METRNL: variants seen among roughly 807,000 people sequenced by gnomAD.
METRNL encodes the protein meteorin-like protein.
METRNL carries 9 observed loss-of-function variants against 17.4 expected under a neutral mutation model. The ratio of observed to expected loss-of-function variants is 0.52; its 90% CI spans 0.31 to 0.90. METRNL has a LOEUF of 0.90. Ranked by LOEUF, METRNL falls within the 40% of genes least tolerant of loss-of-function variation. The pLI is 0.05. For missense variants in METRNL, 408 were observed against 430.7 expected (o/e 0.95, Z 0.47); for synonymous variants, 215 against 199.3 (o/e 1.08, Z -0.66).
At chr17:83,081,740 T>C (rs776866146) in intron 1 of METRNL, among the ~76,000 whole-genome samples, 2 of 152,160 alleles carry the variant, frequency 1.3e-5, no homozygotes, top group Non-Finnish European at 2.9e-5. Flanking sequence ...CTGTGGGGGC[T>C]GCTGGAGCTG....
At chr17:83,089,759 G>GGCGTCCACCC (rs1555730278) in intron 2 of METRNL, among the ~76,000 whole-genome samples, 1 of 152,128 alleles carries the variant, frequency 6.6e-6, no homozygotes, top group Non-Finnish European at 1.5e-5. Flanking sequence ...GGCGTCCACC[G>GGCGTCCACCC]GCGTCCACCC....
rs572524897 is a variant in METRNL, at chr17:83,087,461, C to T, written c.556+2138C>T. 1.6e-4 allele frequency among the ~76,000 whole-genome samples: 24 copies of T among 152,242 alleles called. No homozygotes were observed. In the East Asian group the frequency reaches 4.1e-3, roughly 26 times the overall value. On this transcript the variant is annotated intron_variant, in intron 2 of 3. Coordinates refer to ENST00000320095, the MANE Select transcript of METRNL (RefSeq NM_001004431.3). ...CTCCCTGGGCTGAGCACCTCCAGGGCCCTCACGAGAGGCCTCTCCTATCCT... is the reference window on the plus strand; with the variant it reads ...CTCCCTGGGCTGAGCACCTCCAGGGTCCTCACGAGAGGCCTCTCCTATCCT...
rs1031236833 is a variant in METRNL, at chr17:83,089,980, G to A, written c.557-3187G>A. On this transcript the variant is annotated intron_variant, in intron 2 of 3. Coordinates refer to ENST00000320095, the MANE Select transcript of METRNL (RefSeq NM_001004431.3). The stretch of plus-strand genomic sequence containing the variant: ...GGTACCCAGGGCACGTGAGGGCAGC[G>A]TCTCCATCCTCCCCCTCGGCCGTCC... 1.1e-4 allele frequency among the ~76,000 whole-genome samples: 16 copies of A among 152,078 alleles called. No homozygotes were observed. The East Asian group carries it at 2.1e-3, about 20-fold the overall frequency.
At chr17:83,083,277 C>T (rs1383995725) in intron 1 of METRNL, among the ~76,000 whole-genome samples, 1 of 152,222 alleles carries the variant, frequency 6.6e-6, no homozygotes, top group Non-Finnish European at 1.5e-5. Flanking sequence ...GTGACCAGAG[C>T]CCGCTCCCTC....
At chr17:83,084,752 G>T in intron 1 of METRNL, 186 bp from the exon 2 acceptor site, 1 of 632,270 alleles carries the variant, frequency 1.6e-6, no homozygotes, top group East Asian at 2.9e-5. Flanking sequence ...CCCTTGTGCC[G>T]AAGGGCGGAG....
Position 83,084,617 on chromosome 17 carries a change from G to A in METRNL, c.171-321G>A, listed in dbSNP as rs77871044. On this transcript the variant is annotated intron_variant, in intron 1 of 3. Transcript: ENST00000320095. ...TGTTTGACGCTACGGCAGCAGAGGC[G>A]CAGACTCTTGAGTGTTGGAGGGTGT... 1,667 of 372,176 alleles carry A rather than the reference G, an allele frequency of 4.5e-3. 32 individuals carry two copies. Among genetic ancestry groups the A allele is most frequent in the African/African-American group, 0.036 (1,554 of 43,014 alleles). The allele number at this position is 372,176 out of a possible 1,614,324, so 23.1% of individuals were successfully genotyped here.
At chr17:83,088,704 C>T (rs976138358) in intron 2 of METRNL, among the ~76,000 whole-genome samples, 1 of 152,050 alleles carries the variant, frequency 6.6e-6, no homozygotes, top group Non-Finnish European at 1.5e-5. Flanking sequence ...GGGGCCTCAA[C>T]GCCTCCCCCC....
In METRNL at chr17:83,094,281, T is replaced by C. The variant is rs2143661212; in HGVS notation, c.642T>C (p.Val214=). 1 of 1,582,256 alleles carries C rather than the reference T, an allele frequency of 6.3e-7. No homozygotes were observed. The highest frequency in any genetic ancestry group is 1.7e-4 in the Middle Eastern group (1 of 5,970). Residue 214 remains valine (V), a synonymous_variant, in exon 4 of 4, where the codon GTT becomes GTC. Transcript: ENST00000320095. The part of the protein sequence containing the change: ...DFAVRGSIQQ[V]THEPERQDSA... ...CCGTTCGAGGCTCCATCCAGCAAGT[T>C]ACCCACGAGCCTGAGCGGCAGGACT...
chr17:83,085,362 C>T (rs1358117866), intron 2 of METRNL, 39 bp downstream of exon 2: 2 of 1,510,018 alleles, frequency 1.3e-6, no homozygotes, highest in South Asian at 1.3e-5. Context: ...CGGGCCTCGT[C>T]ATCACGGGGC....
At chr17:83,093,471 A>G (rs1347273056) in intron 3 of METRNL, among the ~76,000 whole-genome samples, 1 of 152,162 alleles carries the variant, frequency 6.6e-6, no homozygotes, top group Non-Finnish European at 1.5e-5. Flanking sequence ...ACATTTTCCC[A>G]TTTTGTAAAT....
chr17:83,086,534 A>G (rs924729895), intron 2 of METRNL, among the ~76,000 whole-genome samples: 3 of 152,168 alleles, frequency 2.0e-5, no homozygotes, highest in South Asian at 2.1e-4. Flanking sequence ...GGGGCCCTGG[A>G]GAAAAACTCA....
chr17:83,086,784 C>T (rs1197855274), intron 2 of METRNL, among the ~76,000 whole-genome samples: 15 of 152,320 alleles, frequency 9.8e-5, no homozygotes, highest in East Asian at 5.8e-4. Flanking sequence ...CACACCTGGA[C>T]GTCCACACTG....
Position 83,094,261 on chromosome 17 carries a change from C to A in METRNL, c.622C>A (p.Arg208=), listed in dbSNP as rs1350163370. The A allele has an allele frequency of 2.5e-6, 4 of 1,568,856 alleles. No homozygotes were observed. Among genetic ancestry groups the A allele is most frequent in the Non-Finnish European group, 3.5e-6 (4 of 1,149,392 alleles). ...CCATCTCCTTCCCCGCACAGCCGTTCGAGGCTCCATCCAGCAAGTTACCCA... is the reference window on the plus strand; with the variant it reads ...CCATCTCCTTCCCCGCACAGCCGTTAGAGGCTCCATCCAGCAAGTTACCCA... ...LAVCTSDFAV[R]GSIQQVTHEP... Residue 208 remains arginine (R), a synonymous_variant, in exon 4 of 4, where the codon CGA becomes AGA. Transcript: ENST00000320095.
In METRNL at chr17:83,085,320, T is replaced by C. The variant is rs2038040201; in HGVS notation, c.553T>C (p.Ser185Pro). Residue 185 changes from serine (S) to proline (P), a missense_variant, in exon 2 of 4, where the codon TCT becomes CCT. By Grantham distance (74) the Ser-to-Pro change is moderately conservative. Transcript: ENST00000320095. ...RHRASDLHEL[S>P]APCRPCSDTE... ...CAGGGCGTCGGACCTGCACGAGCTG[T>C]CTGGTGAGTGTCCTGCCTGGGGCGG... The C allele has an allele frequency of 1.3e-6, 2 of 1,521,062 alleles. No individual in the cohort carries two copies. The highest frequency in any genetic ancestry group is 1.8e-6 in the Non-Finnish European group (2 of 1,134,446). The allele number at this position is 1,521,062 out of a possible 1,614,324, so 94.2% of individuals were successfully genotyped here. A position where few individuals can be genotyped will look rare whatever the true frequency, so the allele number is the denominator to read the frequency against.
Position 83,085,052 on chromosome 17 carries a change from C to T in METRNL, c.285C>T (p.Pro95=). ...GTGCTCTCATCGTTAACCTGCGGCC[C>T]AACACCTTCTCGCCTGCCCGGCACC... ...PTGALIVNLR[P]NTFSPARHLT... The change falls in exon 2 of 4, where the codon CCC becomes CCT. Residue 95 remains proline, a synonymous_variant. Transcript: ENST00000320095. 6.2e-7 allele frequency: 1 copy of T among 1,613,934 alleles called. No homozygotes were observed. Among genetic ancestry groups the T allele is most frequent in the Non-Finnish European group, 8.5e-7 (1 of 1,180,014 alleles).
intron 2 of METRNL, among the ~76,000 whole-genome samples, chr17:83,086,102 A>G (rs567163844): frequency 3.9e-5 from 6 of 152,168 alleles, no homozygotes; most frequent in South Asian, 4.1e-4. Flanking sequence ...GTGGGTAGAC[A>G]CCAGGAGGCA....
chr17:83,093,094 T>A, intron 2 of METRNL, 73 bp from the exon 3 acceptor site: 1 of 1,325,670 alleles, frequency 7.5e-7, no homozygotes, highest in Non-Finnish European at 1.1e-6. Context: ...GTGAGGATCC[T>A]TTGACGGTGG....
intron 1 of METRNL, among the ~76,000 whole-genome samples, chr17:83,081,136 G>C (rs945135991): frequency 1.3e-5 from 2 of 151,826 alleles, no homozygotes; most frequent in Non-Finnish European, 2.9e-5. Context: ...TCCCGGGAGC[G>C]GCCGCCTCCC....
chr17:83,092,058 G>C (rs1326814132), intron 2 of METRNL, among the ~76,000 whole-genome samples: 1 of 152,250 alleles, frequency 6.6e-6, no homozygotes, highest in African/African-American at 2.4e-5. Context: ...GGAAAGCCTG[G>C]TTTGGCCGGT....
Sources: gnomAD v4.1 joint callset for allele counts (sites outside exome capture counted in the v4.1 genomes callset) on GRCh38, gnomAD v4.1.1 for gene constraint, MANE v1.5 for transcripts, NCBI Gene and HGNC (gene_info 2026-07-23, HGNC 2026-07-21) for gene names.